The following TENM4 variants were observed in gnomAD, a reference collection of about 807,000 sequenced individuals.
TENM4 encodes the protein teneurin transmembrane protein 4.
Under a neutral mutation model 243.3 loss-of-function variants are expected in TENM4, and 82 were observed. That is an observed-to-expected ratio of 0.34 (90% CI 0.28 to 0.40). The LOEUF (loss-of-function observed/expected upper bound fraction) is 0.40. Among genes scored for constraint, TENM4 ranks in the 10% least tolerant of loss-of-function variants. TENM4 has a pLI of 1.00. For missense variants in TENM4, 3,138 were observed against 3,673.3 expected, an observed-to-expected ratio of 0.85 and a Z score of 3.77; for synonymous variants, 1,412 against 1,456.3, an observed-to-expected ratio of 0.97 and a Z score of 0.69.
intron 28 of TENM4, among the ~76,000 whole-genome samples, chr11:78,697,730 A>T (rs1016843070): frequency 6.6e-6 from 1 of 152,196 alleles, no homozygotes; most frequent in African/African-American, 2.4e-5. Flanking sequence ...GGTGAGCATA[A>T]TTATAATAGG....
In TENM4 at chr11:79,069,974, C is replaced by T. The variant is rs1329469171; in HGVS notation, c.-30G>A. ...TCCGGCCCGCGCTCCTCCACATCCA[C>T]AAACAGGGTCCTCGCCGCACTCAGG... On this transcript the variant is annotated 5_prime_UTR_variant, in exon 5 of 34. In the 5' UTR this introduces an upstream ATG that the reference lacks. Coordinates refer to ENST00000278550, the MANE Select transcript of TENM4 (RefSeq NM_001098816.3). The T allele has an allele frequency of 1.3e-6, 2 of 1,539,912 alleles. No individual in the cohort carries two copies. Among genetic ancestry groups the T allele is most frequent in the Non-Finnish European group, 1.7e-6 (2 of 1,144,518 alleles).
At chr11:79,010,281 C>G (rs1858609750) in intron 6 of TENM4, among the ~76,000 whole-genome samples, 2 of 152,080 alleles carry the variant, frequency 1.3e-5, no homozygotes, top group South Asian at 4.1e-4. Flanking sequence ...GTTTCTGCTG[C>G]AAAGGAACTC....
At chr11:79,332,468 T>C (rs1011748421) in intron 1 of TENM4, among the ~76,000 whole-genome samples, 1 of 152,142 alleles carries the variant, frequency 6.6e-6, no homozygotes, top group East Asian at 1.9e-4. Flanking sequence ...CAACTTGAAC[T>C]GTCACATGAA....
intron 3 of TENM4, among the ~76,000 whole-genome samples, chr11:79,206,724 A>C (rs1197477218): frequency 6.6e-6 from 1 of 152,144 alleles, no homozygotes; most frequent in African/African-American, 2.4e-5. Flanking sequence ...CCATGTTAGA[A>C]GTACCTTCCA....
chr11:78,684,243 C>G (rs1858599616), intron 29 of TENM4, among the ~76,000 whole-genome samples: 1 of 152,258 alleles, frequency 6.6e-6, no homozygotes, highest in South Asian at 2.1e-4. Context: ...AGCTCAGGTT[C>G]CAGCTCTGTG....
At chr11:79,326,887 T>G (rs1334113732) in intron 1 of TENM4, among the ~76,000 whole-genome samples, 1 of 152,162 alleles carries the variant, frequency 6.6e-6, no homozygotes, top group African/African-American at 2.4e-5. Context: ...TAAATATCTA[T>G]TCACCATTAT....
rs968976932 is a variant in TENM4 at position 78,745,038 on chromosome 11, C to A, written c.2757-6468G>T. Among the ~76,000 whole-genome samples the A allele has an allele frequency of 5.9e-5, 9 of 152,060 alleles. No individual in the cohort carries two copies. In the East Asian group the frequency reaches 1.2e-3, roughly 20 times the overall value. On this transcript the variant is annotated intron_variant, in intron 19 of 33. Transcript: ENST00000278550. ...AGTATTATCTTCCATTTGTATTTAC[C>A]TTGCAAGAAACCTTTAAAGCCACTT...
At chr11:78,772,193 T>A (rs929570038) in intron 17 of TENM4, among the ~76,000 whole-genome samples, 13 of 152,198 alleles carry the variant, frequency 8.5e-5, no homozygotes, top group African/African-American at 2.9e-4. Context: ...TAAAAAATAC[T>A]ATTAAAGTAG....
At chr11:78,986,192 G>A (rs1445835250) in intron 6 of TENM4, among the ~76,000 whole-genome samples, 1 of 152,188 alleles carries the variant, frequency 6.6e-6, no homozygotes, top group African/African-American at 2.4e-5. Flanking sequence ...GGTGTTGGCT[G>A]AAGGAGTGAA....
chr11:79,145,290 T>C (rs1415164923), intron 4 of TENM4, among the ~76,000 whole-genome samples: 1 of 151,960 alleles, frequency 6.6e-6, no homozygotes, highest in Non-Finnish European at 1.5e-5. Flanking sequence ...AATGAATAGA[T>C]TGATGCATTT....
intron 2 of TENM4, among the ~76,000 whole-genome samples, chr11:79,248,040 C>T (rs1457413375): frequency 6.6e-6 from 1 of 152,166 alleles, no homozygotes. Flanking sequence ...GGCTGGCCAT[C>T]CATCTGGTGG....
chr11:79,344,104 C>T (rs1021786025), intron 1 of TENM4, among the ~76,000 whole-genome samples: 2 of 152,204 alleles, frequency 1.3e-5, no homozygotes, highest in African/African-American at 4.8e-5. Flanking sequence ...TCCATCTACT[C>T]CCAGACCTAG....
chr11:79,267,725 A>G (rs1361671917), intron 2 of TENM4, among the ~76,000 whole-genome samples: 1 of 152,250 alleles, frequency 6.6e-6, no homozygotes, highest in Non-Finnish European at 1.5e-5. Context: ...TATCTGGCAC[A>G]TAATAAATTC....
chr11:79,317,052 G>A (rs1856814357), intron 1 of TENM4, among the ~76,000 whole-genome samples: 1 of 152,164 alleles, frequency 6.6e-6, no homozygotes, highest in Non-Finnish European at 1.5e-5. Flanking sequence ...TTCTGCCTAG[G>A]AAATTGGTGT....
intron 12 of TENM4, among the ~76,000 whole-genome samples, chr11:78,828,296 C>T (rs763857115): frequency 2.6e-5 from 4 of 152,212 alleles, no homozygotes; most frequent in African/African-American, 2.4e-5. Context: ...ATGGTACTGG[C>T]CTCTCTTCTC....
At chr11:79,201,871 C>G (rs1226343826) in intron 3 of TENM4, among the ~76,000 whole-genome samples, 1 of 152,128 alleles carries the variant, frequency 6.6e-6, no homozygotes, top group Non-Finnish European at 1.5e-5. Context: ...AGGTGCTAGG[C>G]TAGAGGCAGA....
intron 6 of TENM4, among the ~76,000 whole-genome samples, chr11:79,012,144 G>A (rs957228596): frequency 6.6e-6 from 1 of 152,156 alleles, no homozygotes; most frequent in Admixed American, 6.5e-5. Flanking sequence ...CCTGGGGGAC[G>A]CAAAGTTGAA....
chr11:79,365,410 AT>A (rs1240595621), intron 1 of TENM4, among the ~76,000 whole-genome samples: 1 of 152,164 alleles, frequency 6.6e-6, no homozygotes, highest in Non-Finnish European at 1.5e-5. Context: ...GGATCTTTTA[AT>A]TGGGAGGTTC....
At chr11:78,710,511 G>A (rs151159252) in intron 26 of TENM4, among the ~76,000 whole-genome samples, 3 of 152,320 alleles carry the variant, frequency 2.0e-5, no homozygotes, top group South Asian at 2.1e-4. Context: ...TGGTCCTGTC[G>A]TGAATGTACA....
Sources: allele counts gnomAD v4.1 joint callset (sites outside exome capture counted in the v4.1 genomes callset), GRCh38; gene constraint gnomAD v4.1.1; transcripts MANE v1.5; gene names NCBI Gene and HGNC (gene_info 2026-07-23, HGNC 2026-07-21).